ALK: variants seen among roughly 807,000 people sequenced by gnomAD.
ALK encodes ALK receptor tyrosine kinase, also known as ALK tyrosine kinase receptor.
ALK carries 74 observed loss-of-function variants against 163.1 expected under a neutral mutation model. The observed-to-expected ratio is 0.45, with a 90% CI of 0.38 to 0.55. ALK has a LOEUF of 0.55. Ranked by LOEUF, ALK falls within the 20% of genes least tolerant of loss-of-function variation. The pLI, the probability that ALK is intolerant of heterozygous loss-of-function variation, is 0.00. For missense variants in ALK, 2,063 were observed against 2,105.3 expected (o/e 0.98, Z 0.39); for synonymous variants, 960 against 843.2 (o/e 1.14, Z -2.40).
At position 29,883,135 on chromosome 2, in the gene ALK, AAAAAAG is replaced by A. The variant is rs199719696; in HGVS notation, c.667+36852_667+36857del. 3.8e-3 allele frequency among the ~76,000 whole-genome samples: 571 copies of A among 152,184 alleles called. 1 individual carries two copies. The highest frequency in any genetic ancestry group is 0.014 in the Middle Eastern group (4 of 294). ...AAGGAAGGGAAGGGAAGGTAAAAGA[AAAAAAG>A]AAAAAGAAAAAGAAAAGAGGAAAGG... On this transcript the variant is annotated intron_variant, in intron 1 of 28. Transcript: ENST00000389048.
chr2:29,296,833 T>G, intron 9 of ALK, 55 bp downstream of exon 9: 1 of 1,611,318 alleles, frequency 6.2e-7, no homozygotes, highest in Non-Finnish European at 8.5e-7. Context: ...CATGATTTCT[T>G]TTTCATTTTA....
At chr2:29,254,426 C>A (rs1218157860) in intron 11 of ALK, among the ~76,000 whole-genome samples, 1 of 152,168 alleles carries the variant, frequency 6.6e-6, no homozygotes, top group Non-Finnish European at 1.5e-5. Context: ...CAGTGGGAAC[C>A]ACTTCAGCCT....
intron 1 of ALK, among the ~76,000 whole-genome samples, chr2:29,759,396 C>A (rs1265372686): frequency 1.3e-5 from 2 of 152,138 alleles, no homozygotes; most frequent in African/African-American, 4.8e-5. Context: ...TGAGAGAAAT[C>A]AAAGATCCCT....
At chr2:29,767,922 A>G (rs1680908305) in intron 1 of ALK, among the ~76,000 whole-genome samples, 1 of 152,250 alleles carries the variant, frequency 6.6e-6, no homozygotes, top group African/African-American at 2.4e-5. Flanking sequence ...AGTCTGGGGA[A>G]GTCGTGATGA....
chr2:29,911,660 TA>T (rs2148437938), intron 1 of ALK, among the ~76,000 whole-genome samples: 1 of 152,260 alleles, frequency 6.6e-6, no homozygotes, highest in African/African-American at 2.4e-5. Flanking sequence ...CAAAGCAGAA[TA>T]ACAAAGGCTT....
intron 2 of ALK, among the ~76,000 whole-genome samples, chr2:29,702,231 T>C (rs1445545229): frequency 6.6e-6 from 1 of 151,664 alleles, no homozygotes. Flanking sequence ...AAAAAAGGCA[T>C]GGTATGCAAA....
At chr2:29,583,784 G>A (rs1214101523) in intron 3 of ALK, among the ~76,000 whole-genome samples, 1 of 152,206 alleles carries the variant, frequency 6.6e-6, no homozygotes, top group African/African-American at 2.4e-5. Context: ...AGGGTAAGTA[G>A]CCGGCATATG....
intron 4 of ALK, among the ~76,000 whole-genome samples, chr2:29,461,415 C>T (rs1671080835): frequency 6.6e-6 from 1 of 152,094 alleles, no homozygotes; most frequent in Non-Finnish European, 1.5e-5. Context: ...TACCTGGCTT[C>T]AAAACTTAAA....
intron 4 of ALK, among the ~76,000 whole-genome samples, chr2:29,438,721 C>A (rs550087067): frequency 6.6e-6 from 1 of 152,278 alleles, no homozygotes; most frequent in Non-Finnish European, 1.5e-5. Context: ...CTAGTGTCTG[C>A]CATCCATTTC....
rs1057519784 is a variant in ALK at position 29,220,765 on chromosome 2, G to A, written c.3586C>T (p.Leu1196=). The change falls in exon 23 of 29, where the codon CTG becomes TTG. Residue 1196 remains leucine, a synonymous_variant. Coordinates refer to ENST00000389048, the MANE Select transcript of ALK (RefSeq NM_004304.5). ...SLQSLPRFIL[L]ELMAGGDLKS... ...AGGTCTCCCCCCGCCATGAGCTCCA[G>A]CAGGATGAACCGGGGCAGGGATTGC... The A allele has an allele frequency of 6.2e-7, 1 of 1,614,066 alleles. No homozygotes were observed. Among genetic ancestry groups the A allele is most frequent in the East Asian group, 2.2e-5 (1 of 44,888 alleles).
intron 1 of ALK, among the ~76,000 whole-genome samples, chr2:29,719,805 CT>C (rs1679372221): frequency 6.6e-6 from 1 of 152,172 alleles, no homozygotes; most frequent in African/African-American, 2.4e-5. Context: ...GTCCTCAGCT[CT>C]CCACAGGGCC....
In ALK at chr2:29,446,504, A is replaced by G. The variant is rs113490226; in HGVS notation, c.1155-62645T>C. ...ACTTGAAACTTGACCCTGCCCCCAA[A>G]GAGTTCCCTGTTCTCAGACTTTACT... On this transcript the variant is annotated intron_variant, in intron 4 of 28. Transcript: ENST00000389048. Among the ~76,000 whole-genome samples, 1,453 of 152,236 alleles carry G rather than the reference A, an allele frequency of 9.5e-3. 22 individuals carry two copies. Among genetic ancestry groups the G allele is most frequent in the African/African-American group, 0.033 (1,374 of 41,524 alleles).
chr2:29,913,517 C>T (rs1359312890), intron 1 of ALK, among the ~76,000 whole-genome samples: 3 of 152,138 alleles, frequency 2.0e-5, no homozygotes, highest in African/African-American at 7.2e-5. Context: ...AGAAGAAGGA[C>T]TCCTTGATAG....
At chr2:29,621,246 A>G (rs1676029742) in intron 3 of ALK, among the ~76,000 whole-genome samples, 1 of 152,150 alleles carries the variant, frequency 6.6e-6, no homozygotes, top group South Asian at 2.1e-4. Flanking sequence ...GTGAGAAAAA[A>G]AAAACAACAC....
chr2:29,458,970 T>G (rs904190947), intron 4 of ALK, among the ~76,000 whole-genome samples: 12 of 152,136 alleles, frequency 7.9e-5, no homozygotes, highest in African/African-American at 2.9e-4. Context: ...GACCACACTT[T>G]TCCATTTTAA....
intron 4 of ALK, among the ~76,000 whole-genome samples, chr2:29,431,122 AAAGGACAACAGT>A (rs1452071686): frequency 6.6e-6 from 1 of 152,210 alleles, no homozygotes; most frequent in Non-Finnish European, 1.5e-5. Flanking sequence ...TAAGAGCTAC[AAAGGACAACAGT>A]AAGCTACCTG....
intron 3 of ALK, among the ~76,000 whole-genome samples, chr2:29,645,534 G>T (rs1321710488): frequency 6.6e-6 from 1 of 152,118 alleles, no homozygotes; most frequent in African/African-American, 2.4e-5. Flanking sequence ...TAGAATTTTA[G>T]AGCTAGTAGG....
chr2:29,421,375 C>A (rs1262405217), intron 4 of ALK, among the ~76,000 whole-genome samples: 3 of 151,478 alleles, frequency 2.0e-5, no homozygotes, highest in African/African-American at 7.4e-5. Flanking sequence ...GTTATTGAGT[C>A]AGCAGCACAA....
In ALK at chr2:29,206,269, T is replaced by C. The variant is rs1319165407; in HGVS notation, c.3938+902A>G. Among the ~76,000 whole-genome samples the C allele has an allele frequency of 2.7e-5, 4 of 148,098 alleles. No individual in the cohort carries two copies. The East Asian group carries it at 6.1e-4, about 23-fold the overall frequency. On this transcript the variant is annotated intron_variant, in intron 26 of 28. Coordinates refer to ENST00000389048, the MANE Select transcript of ALK (RefSeq NM_004304.5). ...TCTCCCCTCCCTTTCTTTCTTTCTC[T>C]CTCTCGTTCCCTCCCTCCCTCTCTC...
Sources: allele counts gnomAD v4.1 joint callset (sites outside exome capture counted in the v4.1 genomes callset), GRCh38; gene constraint gnomAD v4.1.1; transcripts MANE v1.5; gene names NCBI Gene and HGNC (gene_info 2026-07-23, HGNC 2026-07-21).